The following P3H2 variants were observed in gnomAD, a reference collection of about 807,000 sequenced individuals.
P3H2 encodes prolyl 3-hydroxylase 2, also known as leprecan-like 1.
In P3H2, 80 loss-of-function variants were observed where a neutral mutation model predicts 87.0. The ratio of observed to expected loss-of-function variants is 0.92; its 90% CI spans 0.77 to 1.11. The LOEUF is 1.11. P3H2 is among the 50% of genes least tolerant of loss of function. P3H2 has a pLI of 0.00. For synonymous variants in P3H2, 367 were observed against 359.3 expected (o/e 1.02, Z -0.24); for missense variants, 1,001 against 923.9 (o/e 1.08, Z -1.08).
At chr3:190,042,925 G>A (rs1356363941) in intron 1 of P3H2, among the ~76,000 whole-genome samples, 3 of 152,074 alleles carry the variant, frequency 2.0e-5, no homozygotes, top group African/African-American at 2.4e-5. Flanking sequence ...CAATTTTAAC[G>A]CTGAAAATGA....
chr3:189,969,162 C>T, intron 13 of P3H2: 1 of 641,796 alleles, frequency 1.6e-6, no homozygotes, highest in Non-Finnish European at 2.9e-6. Context: ...TCTGTAAGTC[C>T]CGGTCCACCA....
At chr3:189,972,084 C>T in intron 11 of P3H2, 77 bp from the exon 12 acceptor site, 1 of 875,948 alleles carries the variant, frequency 1.1e-6, no homozygotes, top group Non-Finnish European at 1.9e-6. Flanking sequence ...AATCTCTCTT[C>T]TCCCAGTCCT....
chr3:189,963,701 C>T, intron 14 of P3H2: 1 of 458,930 alleles, frequency 2.2e-6, no homozygotes, highest in Non-Finnish European at 4.0e-6. Flanking sequence ...ACCTCGGCCT[C>T]CCAAAGTTCT....
rs36166104 is a variant in P3H2 at position 189,970,097 on chromosome 3, TTGTGTGTGTG to T, written c.1893+709_1893+718del. Among the ~76,000 whole-genome samples the T allele has an allele frequency of 3.3e-3, 461 of 141,454 alleles. 4 individuals carry two copies. Among genetic ancestry groups the T allele is most frequent in the African/African-American group, 0.011 (432 of 37,920 alleles). 92.8% of individuals were successfully genotyped at this position (141,454 alleles called of 152,430 possible). The stretch of plus-strand genomic sequence containing the variant: ...TTTGATTTACTCTTTGTTTACATAT[TTGTGTGTGTG>T]TGTGTGTGTGTGTATCAATTTTCAG... On this transcript the variant is annotated intron_variant, in intron 13 of 14. Transcript: ENST00000319332.
At chr3:190,079,303 T>C (rs1240845987) in intron 1 of P3H2, among the ~76,000 whole-genome samples, 2 of 151,628 alleles carry the variant, frequency 1.3e-5, no homozygotes, top group African/African-American at 4.8e-5. Context: ...ATCACGCCGC[T>C]GCACCAGCCT....
intron 1 of P3H2, among the ~76,000 whole-genome samples, chr3:190,106,802 A>G (rs76088307): frequency 0.03 from 4,508 of 152,312 alleles, 188 homozygotes; most frequent in African/African-American, 0.1. Context: ...ATAATCTCAG[A>G]CACATTATTT....
chr3:190,114,428 C>T (rs1233969365), intron 1 of P3H2, among the ~76,000 whole-genome samples: 5 of 152,022 alleles, frequency 3.3e-5, no homozygotes, highest in South Asian at 2.1e-4. Context: ...CCTCGTGATA[C>T]GCCCACCTCG....
At chr3:190,070,219 ATTG>A (rs1365008371) in intron 1 of P3H2, among the ~76,000 whole-genome samples, 1 of 152,122 alleles carries the variant, frequency 6.6e-6, no homozygotes, top group African/African-American at 2.4e-5. Context: ...ATTTATTATT[ATTG>A]TTATCATTAT....
intron 13 of P3H2, among the ~76,000 whole-genome samples, chr3:189,968,813 T>C (rs1449958570): frequency 6.6e-6 from 1 of 152,240 alleles, no homozygotes; most frequent in African/African-American, 2.4e-5. Flanking sequence ...GGTATCTCAT[T>C]GTGGTTTTGA....
Position 189,957,930 on chromosome 3 carries a change from G to A in P3H2, c.2109C>T (p.Asn703=). The A allele has an allele frequency of 6.2e-7, 1 of 1,607,572 alleles. No homozygotes were observed. The highest frequency in any genetic ancestry group is 1.7e-4 in the Middle Eastern group (1 of 6,054). The change falls in exon 15 of 15, where the codon AAC becomes AAT. Residue 703 remains asparagine (N), a synonymous_variant. Transcript: ENST00000319332. ...CTCATTTTTATAGCTCATCTTTAGG[G>A]TTGATATTCAGTTCATGCTTCCCTT... ...EQQGKHELNI[N]PKDEL is the part of the protein sequence containing the mutation.
chr3:190,019,785 A>AATATATAT (rs1210566859), intron 1 of P3H2, among the ~76,000 whole-genome samples: 2 of 37,386 alleles, frequency 5.3e-5, no homozygotes, highest in Non-Finnish European at 8.2e-5. Flanking sequence ...GAAATTAAAA[A>AATATATAT]ATATATATAT....
chr3:189,997,841 T>C (rs1724095763), intron 1 of P3H2, among the ~76,000 whole-genome samples: 1 of 152,222 alleles, frequency 6.6e-6, no homozygotes, highest in African/African-American at 2.4e-5. Flanking sequence ...TAAATATGAA[T>C]TGTATGCATC....
chr3:190,075,747 C>G (rs1726852423), intron 1 of P3H2, among the ~76,000 whole-genome samples: 1 of 151,948 alleles, frequency 6.6e-6, no homozygotes, highest in Admixed American at 6.6e-5. Flanking sequence ...CTTAGGGTAC[C>G]TGAAAAGGAT....
intron 3 of P3H2, among the ~76,000 whole-genome samples, chr3:189,989,626 T>C (rs1226019861): frequency 7.2e-5 from 11 of 152,170 alleles, no homozygotes; most frequent in Non-Finnish European, 1.5e-4. Context: ...ACCTATTCTA[T>C]CCAGTTATAA....
At position 190,120,542 on chromosome 3, in the gene P3H2, C is replaced by G. The variant is rs1486034406; in HGVS notation, c.190G>C (p.Val64Leu). 6.6e-7 allele frequency: 1 copy of G among 1,512,876 alleles called. No homozygotes were observed. Among genetic ancestry groups the G allele is most frequent in the Non-Finnish European group, 8.8e-7 (1 of 1,139,554 alleles). 93.7% of individuals were successfully genotyped at this position (1,512,876 alleles called of 1,614,324 possible). A position where few individuals can be genotyped will look rare whatever the true frequency, so the allele number is the denominator to read the frequency against. The change falls in exon 1 of 15, where the codon GTG (valine) becomes CTG (leucine). Residue 64 changes from valine to leucine, a missense_variant. Transcript: ENST00000319332. ...CGCAGCGCCGCTTCCAAGTCGCGCA[C>G]CGCTCGCTCGTAGTCTCCGCTGTAG... ...AYYSGDYERA[V>L]RDLEAALRSH...
chr3:189,963,442 T>C (rs1719582), intron 14 of P3H2: 33,279 of 153,886 alleles, frequency 0.22, 3,752 homozygotes, highest in Non-Finnish European at 0.27. Context: ...ACAGAGTTGT[T>C]TTGGTTTTTG....
At chr3:189,989,177 T>C in intron 3 of P3H2, 139 bp from the exon 4 acceptor site, 1 of 1,026,694 alleles carries the variant, frequency 9.7e-7, no homozygotes, top group Non-Finnish European at 1.5e-6. Context: ...ACTTCCGGAC[T>C]GCAAAACCTT....
At chr3:190,072,984 G>C (rs988135) in intron 1 of P3H2, among the ~76,000 whole-genome samples, 152,024 of 152,360 alleles carry the variant, frequency 1, 75,844 homozygotes, top group East Asian at 1. Context: ...GTAACAGTCT[G>C]GTATCAGAGT....
intron 8 of P3H2, among the ~76,000 whole-genome samples, chr3:189,980,455 C>G (rs1302137975): frequency 1.3e-5 from 2 of 151,804 alleles, no homozygotes; most frequent in Non-Finnish European, 2.9e-5. Context: ...CCTAGCTACT[C>G]AGGAGGCTGA....
Sources: gnomAD v4.1 joint callset for allele counts (sites outside exome capture counted in the v4.1 genomes callset) on GRCh38, gnomAD v4.1.1 for gene constraint, MANE v1.5 for transcripts, NCBI Gene and HGNC (gene_info 2026-07-23, HGNC 2026-07-21) for gene names.